Variants in MMP26 observed in about 807,000 individuals in gnomAD.
MMP26 encodes matrix metalloproteinase-26.
Under a neutral mutation model 31.0 loss-of-function variants are expected in MMP26, and 33 were observed. The observed-to-expected ratio is 1.06, with a 90% CI of 0.81 to 1.42. The LOEUF (loss-of-function observed/expected upper bound fraction) is 1.42, where lower values mean the gene tolerates loss of function less well. Ranked by LOEUF, MMP26 falls within the 40% of genes most tolerant of loss-of-function variation. The pLI is 0.00. For missense variants in MMP26, 347 were observed against 316.1 expected (o/e 1.10, Z -0.74); for synonymous variants, 122 against 114.9 (o/e 1.06, Z -0.40).
At chr11:4,709,515 C>T (rs144083356) in intron 1 of MMP26, 4 of 373,644 alleles carry the variant, frequency 1.1e-5, no homozygotes, top group Non-Finnish European at 2.1e-5. Context: ...TTTTCTTCTC[C>T]ATTATTACAG....
chr11:4,991,383 G>A lies in MMP26; in HGVS notation c.482G>A (p.Gly161Asp), dbSNP rs748158464. ...VSFWQWAHED[G>D]WPFDGPGGIL... is the part of the protein sequence containing the mutation. ...CTGTCGTCCACAGCCCATGAAGATG[G>A]TTGGCCCTTTGATGGGCCAGGTGGT... is the stretch of plus-strand genomic sequence containing the variant. The change falls in exon 6 of 8, where the codon GGT becomes GAT. Residue 161 changes from glycine to aspartate, a missense_variant. By Grantham distance (94) the Gly-to-Asp change is moderately conservative (BLOSUM62 -1). Coordinates refer to ENST00000380390, the MANE Select transcript of MMP26 (RefSeq NM_021801.5). The A allele has an allele frequency of 1.7e-5, 28 of 1,613,424 alleles. No individual in the cohort carries two copies. Among genetic ancestry groups the A allele is most frequent in the Non-Finnish European group, 2.4e-5 (28 of 1,179,508 alleles).
At chr11:4,864,703 C>A (rs890359946) in intron 2 of MMP26, among the ~76,000 whole-genome samples, 1 of 152,008 alleles carries the variant, frequency 6.6e-6, no homozygotes, top group African/African-American at 2.4e-5. Context: ...TAAAAACACA[C>A]AAAATGCTTG....
intron 2 of MMP26, chr11:4,848,554 G>A (rs1849916286): frequency 1.2e-6 from 2 of 1,611,788 alleles, no homozygotes; most frequent in Admixed American, 1.7e-5. Flanking sequence ...AAAATAAGCA[G>A]GGGGTCCAAA....
intron 2 of MMP26, among the ~76,000 whole-genome samples, chr11:4,880,145 G>T (rs1850438323): frequency 6.6e-6 from 1 of 152,066 alleles, no homozygotes; most frequent in Non-Finnish European, 1.5e-5. Context: ...CAACCAGAAT[G>T]CTTACTAATC....
chr11:4,773,723 C>T (rs1247882515), intron 2 of MMP26, among the ~76,000 whole-genome samples: 2 of 151,356 alleles, frequency 1.3e-5, no homozygotes, highest in African/African-American at 2.4e-5. Flanking sequence ...CTGCGACTAT[C>T]CACCCATCAC....
chr11:4,743,648 T>G (rs977567000), intron 1 of MMP26, among the ~76,000 whole-genome samples: 2 of 152,238 alleles, frequency 1.3e-5, no homozygotes, highest in African/African-American at 4.8e-5. Flanking sequence ...GATAAATCAC[T>G]GTAATATTTG....
intron 2 of MMP26, among the ~76,000 whole-genome samples, chr11:4,868,977 C>A (rs1293164654): frequency 6.6e-6 from 1 of 152,172 alleles, no homozygotes; most frequent in South Asian, 2.1e-4. Flanking sequence ...AAAGGATTCC[C>A]TATTTAATAA....
At position 4,822,124 on chromosome 11, in the gene MMP26, G is replaced by A. The variant is rs144906698; in HGVS notation, c.-145+54783G>A. The A allele has an allele frequency of 9.9e-6, 16 of 1,613,878 alleles. No individual in the cohort carries two copies. In the African/African-American group the frequency reaches 1.3e-4, roughly 13 times the overall value. ...TGTCCTCAGCATTGCTTCCTCAGAA[G>A]AGAGGCGGAAAGCCTTCAACACCTG... is the stretch of plus-strand genomic sequence containing the variant. On this transcript the variant is annotated intron_variant, in intron 2 of 7. Transcript: ENST00000380390.
At chr11:4,991,009 G>T (rs192347400) in intron 5 of MMP26, among the ~76,000 whole-genome samples, 1 of 152,142 alleles carries the variant, frequency 6.6e-6, no homozygotes, top group Non-Finnish European at 1.5e-5. Flanking sequence ...GCATAGCTCC[G>T]AAATCTATTG....
chr11:4,980,914 A>G (rs755895941), intron 2 of MMP26, among the ~76,000 whole-genome samples: 4 of 152,084 alleles, frequency 2.6e-5, no homozygotes, highest in East Asian at 3.9e-4. Flanking sequence ...AAATAAAATC[A>G]TAACATAAAC....
chr11:4,907,902 A>T, intron 2 of MMP26: 2 of 1,614,066 alleles, frequency 1.2e-6, no homozygotes, highest in Non-Finnish European at 1.7e-6. Flanking sequence ...TCTCACTCAT[A>T]CTGTCTTCAT....
At chr11:4,944,140 T>G in intron 2 of MMP26, 1 of 455,540 alleles carries the variant, frequency 2.2e-6, no homozygotes, top group South Asian at 1.6e-5. Flanking sequence ...GATACAGTTA[T>G]GCACCTCAAA....
Position 4,992,028 on chromosome 11 carries a change from G to C in MMP26, c.660G>C (p.Gly220=). ...ATTCTTTGGGCCTGCAGCACTCTGG[G>C]AATCAGAGCTCCATAATGTACCCCA... ...IGHSLGLQHS[G]NQSSIMYPTY... Residue 220 remains glycine, a synonymous_variant, in exon 7 of 8, where the codon GGG becomes GGC. Coordinates refer to ENST00000380390, the MANE Select transcript of MMP26 (RefSeq NM_021801.5). 1.9e-6 allele frequency: 3 copies of C among 1,613,762 alleles called. No homozygotes were observed. Among genetic ancestry groups the C allele is most frequent in the Non-Finnish European group, 2.5e-6 (3 of 1,179,934 alleles).
chr11:4,860,339 A>G (rs1181034879), intron 2 of MMP26: 1 of 471,234 alleles, frequency 2.1e-6, no homozygotes, highest in East Asian at 6.9e-5. Flanking sequence ...GTGGACATGG[A>G]GAGACTAACG....
At chr11:4,815,764 A>G (rs534675618) in intron 2 of MMP26, among the ~76,000 whole-genome samples, 1 of 152,306 alleles carries the variant, frequency 6.6e-6, no homozygotes, top group South Asian at 2.1e-4. Flanking sequence ...CAGGAATACA[A>G]CAATCCGACA....
chr11:4,846,893 C>T (rs1849877915), intron 2 of MMP26, among the ~76,000 whole-genome samples: 1 of 152,152 alleles, frequency 6.6e-6, no homozygotes, highest in South Asian at 2.1e-4. Flanking sequence ...CTTACAACTA[C>T]AGCATTTGTT....
intron 1 of MMP26, among the ~76,000 whole-genome samples, chr11:4,739,647 T>G (rs1848286368): frequency 1.3e-5 from 2 of 152,218 alleles, no homozygotes. Flanking sequence ...TAGTGAAATA[T>G]TCTAGCTCCA....
intron 1 of MMP26, among the ~76,000 whole-genome samples, chr11:4,726,599 G>A (rs1160032186): frequency 6.6e-6 from 1 of 152,190 alleles, no homozygotes; most frequent in Non-Finnish European, 1.5e-5. Flanking sequence ...GATGTCCTGA[G>A]GACTACTTGT....
chr11:4,847,501 T>C (rs923251342), intron 2 of MMP26: 4 of 152,240 alleles, frequency 2.6e-5, no homozygotes, highest in African/African-American at 9.6e-5. Context: ...ACAATAATTA[T>C]GCATAGTCAT....
Sources: allele counts gnomAD v4.1 joint callset (sites outside exome capture counted in the v4.1 genomes callset), GRCh38; gene constraint gnomAD v4.1.1; transcripts MANE v1.5; gene names NCBI Gene and HGNC (gene_info 2026-07-23, HGNC 2026-07-21).